GRIK1: variants seen among roughly 807,000 people sequenced by gnomAD.
GRIK1 encodes glutamate ionotropic receptor kainate type subunit 1.
Under a neutral mutation model 105.7 loss-of-function variants are expected in GRIK1, and 69 were observed. That is an observed-to-expected ratio of 0.65 (90% CI 0.54 to 0.80). The LOEUF is 0.80. GRIK1 is among the 30% of genes least tolerant of loss of function. The pLI, the probability that GRIK1 is intolerant of heterozygous loss-of-function variation, is 0.00. For missense variants in GRIK1, 1,109 were observed against 1,167.3 expected, an observed-to-expected ratio of 0.95 and a Z score of 0.73; for synonymous variants, 438 against 431.3, an observed-to-expected ratio of 1.02 and a Z score of -0.19.
rs369256146 is a variant in GRIK1 at position 29,919,821 on chromosome 21, C to T, written c.118+19562G>A. Among the ~76,000 whole-genome samples, 4 of 152,212 alleles carry T rather than the reference C, an allele frequency of 2.6e-5. No individual in the cohort carries two copies. In the East Asian group the frequency reaches 7.7e-4, roughly 29 times the overall value. ...GCTAAAAACAGTCCCTTTTAAGGGG[C>T]CAACGTGCTTCAGGATAGTACTTAT... On this transcript the variant is annotated intron_variant, in intron 1 of 17. Coordinates refer to ENST00000327783, the MANE Select transcript of GRIK1 (RefSeq NM_001330994.2).
chr21:29,661,115 C>A (rs1325469172), intron 4 of GRIK1, among the ~76,000 whole-genome samples: 7 of 152,134 alleles, frequency 4.6e-5, no homozygotes, highest in Non-Finnish European at 1.0e-4. Flanking sequence ...GTCTTTAGAC[C>A]AGTGTTTATT....
At chr21:29,786,673 T>C (rs1001123119) in intron 1 of GRIK1, among the ~76,000 whole-genome samples, 7 of 152,200 alleles carry the variant, frequency 4.6e-5, no homozygotes, top group Non-Finnish European at 7.3e-5. Context: ...CCAGAAAGTC[T>C]TGGGCAAGAC....
chr21:29,574,683 CTTT>C (rs71191118), intron 14 of GRIK1, among the ~76,000 whole-genome samples: 8 of 98,400 alleles, frequency 8.1e-5, no homozygotes, highest in African/African-American at 2.2e-4. Context: ...TGATACACTT[CTTT>C]TTTTTTTTTT....
At chr21:29,699,589 T>A (rs2063773779) in intron 1 of GRIK1, among the ~76,000 whole-genome samples, 1 of 152,148 alleles carries the variant, frequency 6.6e-6, no homozygotes, top group Non-Finnish European at 1.5e-5. Context: ...CTTTTTTGTT[T>A]GTTTGTTTTT....
chr21:29,854,843 C>A (rs899700827), intron 1 of GRIK1, among the ~76,000 whole-genome samples: 1 of 151,984 alleles, frequency 6.6e-6, no homozygotes, highest in Non-Finnish European at 1.5e-5. Flanking sequence ...AAGGGGTCAT[C>A]ATTTGAGATT....
At chr21:29,584,135 A>G (rs2146266710) in intron 12 of GRIK1, among the ~76,000 whole-genome samples, 1 of 152,292 alleles carries the variant, frequency 6.6e-6, no homozygotes, top group East Asian at 1.9e-4. Context: ...AAACAAGCTC[A>G]CACTGAAGTT....
At chr21:29,572,987 G>T (rs1175601502) in intron 14 of GRIK1, among the ~76,000 whole-genome samples, 3 of 152,064 alleles carry the variant, frequency 2.0e-5, no homozygotes, top group African/African-American at 7.2e-5. Flanking sequence ...TGGTCAGGCT[G>T]GTCTTGAACT....
chr21:29,924,774 G>T (rs999142952), intron 1 of GRIK1, among the ~76,000 whole-genome samples: 1 of 152,114 alleles, frequency 6.6e-6, no homozygotes, highest in Non-Finnish European at 1.5e-5. Flanking sequence ...TAGAGGTGAG[G>T]TGGTCTTCTA....
chr21:29,718,443 G>A (rs979409428), intron 1 of GRIK1, among the ~76,000 whole-genome samples: 5 of 152,122 alleles, frequency 3.3e-5, no homozygotes, highest in Non-Finnish European at 7.3e-5. Flanking sequence ...CACAAACCTG[G>A]TTTCCTTGGA....
chr21:29,587,228 T>C, intron 12 of GRIK1, 138 bp downstream of exon 12: 1 of 517,980 alleles, frequency 1.9e-6, no homozygotes, highest in Non-Finnish European at 3.4e-6. Flanking sequence ...GGCTTTTATA[T>C]GGAAACCTTC....
chr21:29,736,828 C>T (rs925401648), intron 1 of GRIK1, among the ~76,000 whole-genome samples: 3 of 151,904 alleles, frequency 2.0e-5, no homozygotes, highest in African/African-American at 7.3e-5. Context: ...CAGGCGCCCA[C>T]CACCATGGCT....
chr21:29,815,739 TACTC>T (rs2067138180), intron 1 of GRIK1, among the ~76,000 whole-genome samples: 1 of 152,088 alleles, frequency 6.6e-6, no homozygotes, highest in Admixed American at 6.6e-5. Context: ...CAATTAAAAA[TACTC>T]AACAACTATC....
At chr21:29,716,808 A>T (rs1289032191) in intron 1 of GRIK1, among the ~76,000 whole-genome samples, 1 of 152,272 alleles carries the variant, frequency 6.6e-6, no homozygotes, top group Non-Finnish European at 1.5e-5. Context: ...CCACTGCAGA[A>T]ATTTGAATCA....
intron 7 of GRIK1, among the ~76,000 whole-genome samples, chr21:29,599,561 C>T (rs574441352): frequency 1.3e-5 from 2 of 152,304 alleles, no homozygotes; most frequent in Non-Finnish European, 2.9e-5. Flanking sequence ...GGACCGTGCT[C>T]TCTCTGGAGG....
intron 1 of GRIK1, among the ~76,000 whole-genome samples, chr21:29,733,720 G>A (rs2064698793): frequency 6.6e-6 from 1 of 151,948 alleles, no homozygotes; most frequent in Non-Finnish European, 1.5e-5. Flanking sequence ...TGTTTTGCTC[G>A]ACAATCACAT....
At chr21:29,547,003 G>A (rs553716158) in intron 16 of GRIK1, among the ~76,000 whole-genome samples, 13 of 148,630 alleles carry the variant, frequency 8.7e-5, no homozygotes, top group African/African-American at 3.1e-4. Context: ...ACAGAATAGA[G>A]AGAGTCTTCC....
At chr21:29,824,067 T>G (rs960389738) in intron 1 of GRIK1, among the ~76,000 whole-genome samples, 2 of 151,812 alleles carry the variant, frequency 1.3e-5, no homozygotes, top group African/African-American at 4.8e-5. Flanking sequence ...ATTTCTCTGG[T>G]GAGGGGTGGT....
chr21:29,807,278 G>A (rs1480931737), intron 1 of GRIK1, among the ~76,000 whole-genome samples: 2 of 152,076 alleles, frequency 1.3e-5, no homozygotes, highest in Non-Finnish European at 2.9e-5. Flanking sequence ...CTTCCCTGTG[G>A]CGGCTGTGGG....
At chr21:29,744,053 C>T (rs1231011474) in intron 1 of GRIK1, among the ~76,000 whole-genome samples, 1 of 152,202 alleles carries the variant, frequency 6.6e-6, no homozygotes, top group Non-Finnish European at 1.5e-5. Flanking sequence ...ATGTAATCAA[C>T]CTGCACTTGT....
Sources: allele counts gnomAD v4.1 joint callset (sites outside exome capture counted in the v4.1 genomes callset), GRCh38; gene constraint gnomAD v4.1.1; transcripts MANE v1.5; gene names NCBI Gene and HGNC (gene_info 2026-07-23, HGNC 2026-07-21).